Variants in GMDS observed in about 807,000 individuals in gnomAD.
The protein encoded by GMDS is GDP-mannose 4,6 dehydratase.
GMDS carries 20 observed loss-of-function variants against 49.9 expected under a neutral mutation model. The observed-to-expected ratio is 0.40, with a 90% CI of 0.28 to 0.58. The LOEUF (loss-of-function observed/expected upper bound fraction) is 0.58, where lower values mean the gene tolerates loss of function less well. Ranked by LOEUF, GMDS falls within the 20% of genes least tolerant of loss-of-function variation. The pLI is 0.42. For synonymous variants in GMDS, 177 were observed against 178.6 expected, an observed-to-expected ratio of 0.99 and a Z score of 0.07; for missense variants, 362 against 481.4, an observed-to-expected ratio of 0.75 and a Z score of 2.32.
intron 7 of GMDS, among the ~76,000 whole-genome samples, chr6:1,889,267 G>A (rs373246975): frequency 3.5e-4 from 53 of 152,168 alleles, no homozygotes; most frequent in African/African-American, 1.2e-3. Context: ...TCAGTGGCTC[G>A]TTGAGTCATT....
intron 7 of GMDS, among the ~76,000 whole-genome samples, chr6:1,924,229 T>A (rs990137072): frequency 1.3e-5 from 2 of 152,220 alleles, no homozygotes; most frequent in African/African-American, 4.8e-5. Context: ...TTTGTTATGA[T>A]TCAGTCTGTG....
At chr6:1,689,613 C>T (rs991102542) in intron 9 of GMDS, among the ~76,000 whole-genome samples, 8 of 152,106 alleles carry the variant, frequency 5.3e-5, no homozygotes, top group Non-Finnish European at 1.0e-4. Flanking sequence ...AGGGTTGAGC[C>T]CATCCCTCAC....
At chr6:2,114,798 C>T (rs1291218395) in intron 4 of GMDS, among the ~76,000 whole-genome samples, 1 of 152,092 alleles carries the variant, frequency 6.6e-6, no homozygotes, top group Non-Finnish European at 1.5e-5. Context: ...TTCATTTTAT[C>T]TAGTTCATGA....
intron 9 of GMDS, among the ~76,000 whole-genome samples, chr6:1,701,210 T>C (rs1409665020): frequency 6.6e-6 from 1 of 152,200 alleles, no homozygotes; most frequent in African/African-American, 2.4e-5. Flanking sequence ...ATAAACTATA[T>C]TTGTGTTAAG....
At chr6:1,672,576 G>A (rs1303137917) in intron 9 of GMDS, among the ~76,000 whole-genome samples, 1 of 152,238 alleles carries the variant, frequency 6.6e-6, no homozygotes, top group Admixed American at 6.5e-5. Context: ...AAAATCTGAT[G>A]CTGGGAGATA....
chr6:1,991,215 A>T (rs1189561833), intron 4 of GMDS, among the ~76,000 whole-genome samples: 1 of 151,982 alleles, frequency 6.6e-6, no homozygotes, highest in Non-Finnish European at 1.5e-5. Flanking sequence ...TCTTAGTGGG[A>T]GAGATGTCCC....
At chr6:2,059,363 A>T (rs1770983510) in intron 4 of GMDS, among the ~76,000 whole-genome samples, 1 of 151,938 alleles carries the variant, frequency 6.6e-6, no homozygotes, top group African/African-American at 2.4e-5. Context: ...GCTCATTATC[A>T]TCCGCTTAAG....
At chr6:1,696,296 C>G (rs1765338590) in intron 9 of GMDS, among the ~76,000 whole-genome samples, 1 of 152,260 alleles carries the variant, frequency 6.6e-6, no homozygotes, top group African/African-American at 2.4e-5. Flanking sequence ...GAGCGCAGTC[C>G]TCCCTGAGCA....
chr6:1,690,107 G>A (rs9405503), intron 9 of GMDS, among the ~76,000 whole-genome samples: 132,745 of 152,146 alleles, frequency 0.87, 58,170 homozygotes, highest in Middle Eastern at 0.95. Context: ...CTTGTCTCAA[G>A]AATAACAATA....
chr6:2,066,895 A>C (rs1038437044), intron 4 of GMDS, among the ~76,000 whole-genome samples: 2 of 151,968 alleles, frequency 1.3e-5, no homozygotes, highest in Admixed American at 1.3e-4. Context: ...AATTGAACTC[A>C]GCTCTGCACC....
chr6:1,832,647 A>G (rs767421458), intron 7 of GMDS, among the ~76,000 whole-genome samples: 8 of 152,180 alleles, frequency 5.3e-5, no homozygotes, highest in Non-Finnish European at 1.2e-4. Context: ...GGTAAGCCAG[A>G]GCCAAAGACT....
chr6:2,199,051 C>T (rs1361802428), intron 1 of GMDS, among the ~76,000 whole-genome samples: 2 of 152,208 alleles, frequency 1.3e-5, no homozygotes, highest in Non-Finnish European at 2.9e-5. Flanking sequence ...TAATCATCTA[C>T]CCATTTTCCT....
At chr6:2,189,002 G>C (rs560358648) in intron 1 of GMDS, among the ~76,000 whole-genome samples, 44 of 152,286 alleles carry the variant, frequency 2.9e-4, no homozygotes, top group African/African-American at 1.1e-3. Context: ...TGGCTGAAGA[G>C]CTGAACTCAG....
intron 7 of GMDS, among the ~76,000 whole-genome samples, chr6:1,831,999 A>G (rs1756668879): frequency 6.6e-6 from 1 of 152,144 alleles, no homozygotes; most frequent in Non-Finnish European, 1.5e-5. Flanking sequence ...TCAGAAATTT[A>G]ATAAATATAT....
intron 4 of GMDS, among the ~76,000 whole-genome samples, chr6:2,101,639 A>G (rs1773930867): frequency 6.6e-6 from 1 of 152,116 alleles, no homozygotes; most frequent in South Asian, 2.1e-4. Context: ...ACATTTATGA[A>G]CTTATGTGTT....
chr6:1,997,475 T>G (rs1766362935), intron 4 of GMDS, among the ~76,000 whole-genome samples: 1 of 129,520 alleles, frequency 7.7e-6, no homozygotes, highest in African/African-American at 3.1e-5. Context: ...GCCACTGCAC[T>G]CCAGCCTGGG....
chr6:1,873,366 C>T (rs1758870503), intron 7 of GMDS, among the ~76,000 whole-genome samples: 1 of 152,106 alleles, frequency 6.6e-6, no homozygotes, highest in Non-Finnish European at 1.5e-5. Context: ...TTAATTCCAT[C>T]GCCAACCATC....
intron 4 of GMDS, among the ~76,000 whole-genome samples, chr6:1,994,408 A>G (rs189452567): frequency 1.3e-5 from 2 of 152,282 alleles, no homozygotes; most frequent in East Asian, 1.9e-4. Context: ...ATGATATGCT[A>G]TATTCCATAA....
intron 7 of GMDS, among the ~76,000 whole-genome samples, chr6:1,774,419 G>T (rs538529993): frequency 1.2e-4 from 18 of 152,318 alleles, no homozygotes; most frequent in African/African-American, 4.3e-4. Context: ...AAGAGGGGCA[G>T]GCTCTCAGAT....
Sources: gnomAD v4.1 joint callset for allele counts (sites outside exome capture counted in the v4.1 genomes callset) on GRCh38, gnomAD v4.1.1 for gene constraint, MANE v1.5 for transcripts, NCBI Gene and HGNC (gene_info 2026-07-23, HGNC 2026-07-21) for gene names.